Variants in FHIT observed in about 807,000 individuals in gnomAD.
FHIT encodes fragile histidine triad diadenosine triphosphatase, also known as bis(5'-adenosyl)-triphosphatase.
FHIT carries 19 observed loss-of-function variants against 17.9 expected under a neutral mutation model. The ratio of observed to expected loss-of-function variants is 1.06; its 90% CI spans 0.74 to 1.56. The LOEUF is 1.56. Among genes scored for constraint, FHIT ranks in the 40% most tolerant of loss-of-function variants. The pLI, the probability that FHIT is intolerant of heterozygous loss-of-function variation, is 0.00. For missense variants in FHIT, 248 were observed against 189.2 expected (o/e 1.31, Z -1.82); for synonymous variants, 81 against 69.7 (o/e 1.16, Z -0.81).
At chr3:60,499,579 G>C (rs2034439940) in intron 5 of FHIT, among the ~76,000 whole-genome samples, 2 of 152,094 alleles carry the variant, frequency 1.3e-5, no homozygotes, top group Admixed American at 1.3e-4. Context: ...CTTTAGTAGA[G>C]ACGGGGTTTC....
At chr3:61,033,068 G>C (rs989961050) in intron 3 of FHIT, among the ~76,000 whole-genome samples, 2 of 152,220 alleles carry the variant, frequency 1.3e-5, no homozygotes, top group African/African-American at 4.8e-5. Context: ...TCAAGAGATT[G>C]GGTGATGCTC....
chr3:60,444,932 C>T (rs1215341096), intron 5 of FHIT, among the ~76,000 whole-genome samples: 4 of 152,020 alleles, frequency 2.6e-5, no homozygotes, highest in Non-Finnish European at 4.4e-5. Flanking sequence ...ATTCCTTAGG[C>T]ACAATTTTCT....
intron 5 of FHIT, among the ~76,000 whole-genome samples, chr3:60,130,784 G>GTATACACATATATATGTGTGTGTGT (rs148356992): frequency 1.2e-4 from 13 of 111,628 alleles, no homozygotes; most frequent in Non-Finnish European, 1.4e-4. Context: ...GTGTGTGTGT[G>GTATACACATATATATGTGTGTGTGT]GTGTGTATAT....
intron 5 of FHIT, among the ~76,000 whole-genome samples, chr3:60,132,873 C>A (rs1023603910): frequency 1.3e-5 from 2 of 152,116 alleles, no homozygotes; most frequent in African/African-American, 2.4e-5. Context: ...CCATCTAACA[C>A]CTTTTATCAC....
Position 60,892,445 on chromosome 3 carries a change from A to C in FHIT, c.-110-70434T>G, listed in dbSNP as rs374381585. Among the ~76,000 whole-genome samples the C allele has an allele frequency of 1.2e-4, 18 of 152,206 alleles. No homozygotes were observed. In the East Asian group the frequency reaches 1.5e-3, roughly 13 times the overall value. ...TCACCTCTGTGCTCTCCACCCTTGGAGCTTTACCTCTGGGTAATTCCCTTG... is the reference window on the plus strand; with the variant it reads ...TCACCTCTGTGCTCTCCACCCTTGGCGCTTTACCTCTGGGTAATTCCCTTG... On this transcript the variant is annotated intron_variant, in intron 3 of 9. Transcript: ENST00000492590.
chr3:60,026,780 A>G (rs754387165), intron 5 of FHIT, among the ~76,000 whole-genome samples: 2 of 152,168 alleles, frequency 1.3e-5, no homozygotes, highest in Non-Finnish European at 2.9e-5. Flanking sequence ...AGCACAGAAC[A>G]CTATATGGTT....
At chr3:60,616,557 T>C (rs1553675996) in intron 4 of FHIT, among the ~76,000 whole-genome samples, 1 of 152,190 alleles carries the variant, frequency 6.6e-6, no homozygotes, top group African/African-American at 2.4e-5. Context: ...CAATTGGGAC[T>C]TGAAATTAAA....
Position 60,293,262 on chromosome 3 carries a change from A to G in FHIT, c.103+243598T>C, listed in dbSNP as rs143723343. 3.7e-3 allele frequency among the ~76,000 whole-genome samples: 561 copies of G among 152,254 alleles called. 14 individuals carry two copies. In the South Asian group the frequency reaches 0.051, roughly 14 times the overall value. The stretch of plus-strand genomic sequence containing the variant: ...AGAAATTTTGACTTTGCCAGTTCTG[A>G]CCATTGGGGAATCTGTGCCCATAGT... On this transcript the variant is annotated intron_variant, in intron 5 of 9. Coordinates refer to ENST00000492590, the MANE Select transcript of FHIT (RefSeq NM_002012.4).
chr3:60,306,509 G>A (rs1384498710), intron 5 of FHIT, among the ~76,000 whole-genome samples: 3 of 152,122 alleles, frequency 2.0e-5, no homozygotes, highest in African/African-American at 7.2e-5. Flanking sequence ...ATTCTGACAC[G>A]AATTACTAAG....
At chr3:60,852,632 T>G (rs1703197099) in intron 3 of FHIT, among the ~76,000 whole-genome samples, 1 of 152,060 alleles carries the variant, frequency 6.6e-6, no homozygotes, top group African/African-American at 2.4e-5. Context: ...CTTAAAACTT[T>G]GTATATTATA....
chr3:60,498,242 T>A (rs994338930), intron 5 of FHIT, among the ~76,000 whole-genome samples: 1 of 152,244 alleles, frequency 6.6e-6, no homozygotes. Context: ...GTTTTATGTA[T>A]GTTTTAATCA....
At chr3:60,924,154 G>T (rs1361343712) in intron 3 of FHIT, among the ~76,000 whole-genome samples, 1 of 152,152 alleles carries the variant, frequency 6.6e-6, no homozygotes, top group Non-Finnish European at 1.5e-5. Flanking sequence ...CAAACAAAAG[G>T]CAGCAAAAAC....
At chr3:59,889,854 G>A (rs752082560) in intron 8 of FHIT, among the ~76,000 whole-genome samples, 12 of 152,138 alleles carry the variant, frequency 7.9e-5, no homozygotes, top group Non-Finnish European at 1.3e-4. Context: ...AACATACATT[G>A]GCTGGAAAAG....
At chr3:60,569,749 ATATATATTTT>A (rs1559547732) in intron 4 of FHIT, among the ~76,000 whole-genome samples, 2 of 62,774 alleles carry the variant, frequency 3.2e-5, no homozygotes, top group African/African-American at 1.2e-4. Flanking sequence ...ATATATATAT[ATATATATTTT>A]TTTTTTTTTT....
In FHIT at chr3:60,884,922, A is replaced by G. The variant is rs114547442; in HGVS notation, c.-110-62911T>C. Among the ~76,000 whole-genome samples, 89 of 151,698 alleles carry G rather than the reference A, an allele frequency of 5.9e-4. 2 individuals are homozygous for G. Among genetic ancestry groups the G allele is most frequent in the African/African-American group, 2.1e-3 (85 of 41,412 alleles). ...TGAGACCCTTTCTCAAAAAAAAAAA[A>G]AAGAAGAAGAAGAAAAATAATAAGA... On this transcript the variant is annotated intron_variant, in intron 3 of 9. Transcript: ENST00000492590.
chr3:60,618,669 T>A (rs1420568236), intron 4 of FHIT, among the ~76,000 whole-genome samples: 2 of 152,192 alleles, frequency 1.3e-5, no homozygotes, highest in Non-Finnish European at 2.9e-5. Context: ...TGCGAATATG[T>A]TATGCAAAAA....
chr3:61,169,591 A>G (rs2037938351), intron 2 of FHIT, among the ~76,000 whole-genome samples: 1 of 152,258 alleles, frequency 6.6e-6, no homozygotes, highest in African/African-American at 2.4e-5. Flanking sequence ...ATATTAAGTT[A>G]GTTTAAATCA....
chr3:60,057,290 C>T (rs1702119986), intron 5 of FHIT, among the ~76,000 whole-genome samples: 1 of 152,114 alleles, frequency 6.6e-6, no homozygotes, highest in South Asian at 2.1e-4. Context: ...AAGTCATATA[C>T]TAATATGTGG....
intron 8 of FHIT, among the ~76,000 whole-genome samples, chr3:59,825,846 T>C (rs1700959141): frequency 6.6e-6 from 1 of 152,198 alleles, no homozygotes; most frequent in Non-Finnish European, 1.5e-5. Flanking sequence ...AGTGACTGAA[T>C]CCCAGCACAG....
Sources: allele counts gnomAD v4.1 joint callset (sites outside exome capture counted in the v4.1 genomes callset), GRCh38; gene constraint gnomAD v4.1.1; transcripts MANE v1.5; gene names NCBI Gene and HGNC (gene_info 2026-07-23, HGNC 2026-07-21).